The following CLEC2B variants were observed in gnomAD, a reference collection of about 807,000 sequenced individuals.
The protein encoded by CLEC2B is C-type (calcium dependent, carbohydrate-recognition domain) lectin, superfamily member 2 (activation-induced).
CLEC2B carries 14 observed loss-of-function variants against 16.2 expected under a neutral mutation model. The observed-to-expected ratio is 0.86, with a 90% CI of 0.57 to 1.35. CLEC2B has a LOEUF of 1.35. Ranked by LOEUF, CLEC2B falls within the 40% of genes most tolerant of loss-of-function variation. CLEC2B has a pLI of 0.00. For synonymous variants in CLEC2B, 42 were observed against 55.8 expected (o/e 0.75, Z 1.10); for missense variants, 166 against 182.3 (o/e 0.91, Z 0.52).
intron 3 of CLEC2B, among the ~76,000 whole-genome samples, chr12:9,855,177 T>C (rs905738451): frequency 2.6e-5 from 4 of 152,114 alleles, no homozygotes; most frequent in African/African-American, 4.8e-5. Context: ...TTGGAAACTA[T>C]ATTCACACTG....
At chr12:9,853,655 A>G (rs914448354) in intron 4 of CLEC2B, among the ~76,000 whole-genome samples, 1 of 152,188 alleles carries the variant, frequency 6.6e-6, no homozygotes, top group Admixed American at 6.5e-5. Flanking sequence ...GTATAAACCA[A>G]TGGTTTTCAA....
intron 2 of CLEC2B, among the ~76,000 whole-genome samples, chr12:9,857,886 C>A (rs991785274): frequency 9.2e-5 from 14 of 152,040 alleles, no homozygotes; most frequent in African/African-American, 3.4e-4. Context: ...CAGGAGCCAA[C>A]AGAATTATTC....
Position 9,867,448 on chromosome 12 carries a change from A to C in CLEC2B, c.-3+1757T>G, listed in dbSNP as rs116066515. 9.2e-3 allele frequency among the ~76,000 whole-genome samples: 1,394 copies of C among 152,154 alleles called. 23 individuals are homozygous for C. Among genetic ancestry groups the C allele is most frequent in the African/African-American group, 0.032 (1,312 of 41,530 alleles). On this transcript the variant is annotated intron_variant, in intron 1 of 4. Coordinates refer to ENST00000228438, the MANE Select transcript of CLEC2B (RefSeq NM_005127.3). ...TGAACCCTGAAATCTAGCTTTTTAC[A>C]CTCAGCATAAGTTGTTTTCAGTTGT...
chr12:9,857,235 G>A, intron 3 of CLEC2B: 1 of 427,804 alleles, frequency 2.3e-6, no homozygotes, highest in South Asian at 2.9e-5. Flanking sequence ...GCTCTTCTGT[G>A]TACACTCTTT....
intron 1 of CLEC2B, among the ~76,000 whole-genome samples, chr12:9,866,571 T>C (rs1474993179): frequency 6.6e-6 from 1 of 152,154 alleles, no homozygotes; most frequent in Admixed American, 6.6e-5. Flanking sequence ...GTTATAGTTG[T>C]CCTGTTTTTA....
Position 9,853,247 on chromosome 12 carries a change from T to G in CLEC2B, c.*53A>C. The G allele has an allele frequency of 7.2e-7, 1 of 1,384,278 alleles. No homozygotes were observed. The highest frequency in any genetic ancestry group is 1.0e-6 in the Non-Finnish European group (1 of 979,520). The allele number at this position is 1,384,278 out of a possible 1,614,324, so 85.7% of individuals were successfully genotyped here. A position where few individuals can be genotyped will look rare whatever the true frequency, so the allele number is the denominator to read the frequency against. On this transcript the variant is annotated 3_prime_UTR_variant, in exon 5 of 5. Transcript: ENST00000228438. The stretch of plus-strand genomic sequence containing the variant: ...TTTAATTAAAAAAGTACTTTGCTGG[T>G]TTTACACTTAATAATGTTATTTTCT...
At chr12:9,865,004 G>A (rs958907464) in intron 1 of CLEC2B, among the ~76,000 whole-genome samples, 5 of 151,910 alleles carry the variant, frequency 3.3e-5, no homozygotes, top group Admixed American at 6.6e-5. Context: ...CCAACATAAC[G>A]AAACCACATT....
intron 2 of CLEC2B, among the ~76,000 whole-genome samples, chr12:9,859,356 G>C (rs749091182): frequency 2.0e-5 from 3 of 151,800 alleles, no homozygotes; most frequent in Non-Finnish European, 3.0e-5. Context: ...GATGACTTTT[G>C]TTGAATACTC....
At position 9,857,606 on chromosome 12, in the gene CLEC2B, G is replaced by A; in HGVS notation, c.105C>T (p.Cys35=). The change falls in exon 3 of 5, where the codon TGC becomes TGT. Residue 35 remains cysteine, a synonymous_variant. Coordinates refer to ENST00000228438, the MANE Select transcript of CLEC2B (RefSeq NM_005127.3). ...VKLTRDSQSL[C]PYDWIGFQNK... Reference sequence around the variant, plus strand: ...TTTGGAAACCAATCCAATCATAGGGGCATAAACTCTGAGAATCTCGAGTTA... The same window carrying A: ...TTTGGAAACCAATCCAATCATAGGGACATAAACTCTGAGAATCTCGAGTTA... The A allele has an allele frequency of 6.2e-7, 1 of 1,610,234 alleles. No individual in the cohort carries two copies. The highest frequency in any genetic ancestry group is 8.5e-7 in the Non-Finnish European group (1 of 1,177,164).
At chr12:9,857,214 A>G in intron 3 of CLEC2B, 1 of 272,334 alleles carries the variant, frequency 3.7e-6, no homozygotes, top group Non-Finnish European at 6.8e-6. Context: ...AACGTTTTCA[A>G]ACATTATCAA....
chr12:9,853,465 C>T, intron 4 of CLEC2B, 57 bp from the exon 5 acceptor site: 1 of 1,341,402 alleles, frequency 7.5e-7, no homozygotes, highest in Non-Finnish European at 1.1e-6. Context: ...TGCCCATGGA[C>T]ACCTTTAAAC....
At chr12:9,862,278 G>T (rs185106207) in intron 2 of CLEC2B, among the ~76,000 whole-genome samples, 83 of 152,134 alleles carry the variant, frequency 5.5e-4, no homozygotes, top group African/African-American at 1.6e-3. Context: ...TTGAATAGAA[G>T]TGAGATTATC....
chr12:9,867,180 T>A (rs953064531), intron 1 of CLEC2B: 2 of 152,208 alleles, frequency 1.3e-5, no homozygotes, highest in African/African-American at 2.4e-5. Context: ...GAGACCATTA[T>A]AACACTTTGG....
chr12:9,868,580 T>G (rs755371377), intron 1 of CLEC2B, among the ~76,000 whole-genome samples: 2 of 152,136 alleles, frequency 1.3e-5, no homozygotes, highest in Admixed American at 6.5e-5. Flanking sequence ...TAAACCCTGT[T>G]GAAATCTCAA....
At chr12:9,865,113 T>C (rs1355378594) in intron 1 of CLEC2B, among the ~76,000 whole-genome samples, 2 of 146,028 alleles carry the variant, frequency 1.4e-5, no homozygotes, top group Admixed American at 7.0e-5. Context: ...AATCCAGGAG[T>C]TGGAGGCTGC....
intron 3 of CLEC2B, chr12:9,854,761 T>C (rs1867882976): frequency 2.2e-6 from 1 of 458,162 alleles, no homozygotes; most frequent in Non-Finnish European, 3.8e-6. Context: ...ATTTTCAAAC[T>C]GTAAGCTCCT....
intron 1 of CLEC2B, among the ~76,000 whole-genome samples, chr12:9,867,798 G>A (rs1196542310): frequency 1.3e-5 from 2 of 152,140 alleles, no homozygotes; most frequent in South Asian, 4.1e-4. Flanking sequence ...AAACAGTTAA[G>A]GACTGCAATT....
At chr12:9,865,676 C>T (rs116939788) in intron 1 of CLEC2B, among the ~76,000 whole-genome samples, 1,613 of 152,266 alleles carry the variant, frequency 0.011, 18 homozygotes, top group Admixed American at 0.018. Context: ...CCAACTGACA[C>T]GTACAGAAGC....
Position 9,857,548 on chromosome 12 carries a change from C to T in CLEC2B, c.163G>A (p.Asp55Asn), listed in dbSNP as rs1259532165. Reference sequence around the variant, plus strand: ...CAGTTGTATTTACTTGAATTCCAATCTCCTTCTTCTTTAGAGAAATAATAG... The same window carrying T: ...CAGTTGTATTTACTTGAATTCCAATTTCCTTCTTCTTTAGAGAAATAATAG... ...KCYYFSKEEG[D>N]WNSSKYNCST... The change falls in exon 3 of 5, where the codon GAT becomes AAT. Residue 55 changes from aspartate (D) to asparagine (N), a missense_variant. Asp to Asn is a conservative substitution (Grantham distance 23, BLOSUM62 1). Coordinates refer to ENST00000228438, the MANE Select transcript of CLEC2B (RefSeq NM_005127.3). The T allele has an allele frequency of 1.9e-6, 3 of 1,611,090 alleles. No individual in the cohort carries two copies. Among genetic ancestry groups the T allele is most frequent in the South Asian group, 1.1e-5 (1 of 90,984 alleles).
Sources: gnomAD v4.1 joint callset for allele counts (sites outside exome capture counted in the v4.1 genomes callset) on GRCh38, gnomAD v4.1.1 for gene constraint, MANE v1.5 for transcripts, NCBI Gene and HGNC (gene_info 2026-07-23, HGNC 2026-07-21) for gene names.